Variants in DDR2 observed in about 807,000 individuals in gnomAD.
The protein encoded by DDR2 is discoidin domain-containing receptor 2.
In DDR2, 27 loss-of-function variants were observed where a neutral mutation model predicts 94.9. That is an observed-to-expected ratio of 0.28 (90% CI 0.21 to 0.39). The LOEUF is 0.39. DDR2 is among the 10% of genes least tolerant of loss of function. The pLI is 1.00. For synonymous variants in DDR2, 382 were observed against 377.2 expected, an observed-to-expected ratio of 1.01 and a Z score of -0.15; for missense variants, 783 against 1,076.0, an observed-to-expected ratio of 0.73 and a Z score of 3.81.
intron 2 of DDR2, among the ~76,000 whole-genome samples, chr1:162,703,081 T>C (rs185256271): frequency 5.6e-4 from 85 of 152,238 alleles, no homozygotes; most frequent in African/African-American, 2.0e-3. Flanking sequence ...CTAGATTGAG[T>C]GATAAAGCAT....
upstream of DDR2, chr1:162,632,129 G>A (rs948392768): frequency 2.6e-5 from 4 of 151,886 alleles, no homozygotes; most frequent in Non-Finnish European, 5.9e-5. Context: ...GCGGCGGGGG[G>A]GTGGGGATCA....
chr1:162,714,527 A>G (rs1051992626), intron 2 of DDR2, among the ~76,000 whole-genome samples: 3 of 152,134 alleles, frequency 2.0e-5, no homozygotes, highest in African/African-American at 4.8e-5. Context: ...CATGTAGTAC[A>G]TTTCCATTTA....
chr1:162,674,712 C>T (rs1401385444), intron 2 of DDR2, among the ~76,000 whole-genome samples: 2 of 152,212 alleles, frequency 1.3e-5, no homozygotes, highest in Non-Finnish European at 1.5e-5. Context: ...CTTCTGCCAC[C>T]TGCTAGTATA....
intron 11 of DDR2, among the ~76,000 whole-genome samples, chr1:162,767,674 T>C (rs1224421543): frequency 6.6e-6 from 1 of 152,166 alleles, no homozygotes; most frequent in African/African-American, 2.4e-5. Context: ...CAGGCATCCA[T>C]ATTTAAAAAA....
At chr1:162,755,045 C>G (rs578220364) in intron 5 of DDR2, 111 bp from the exon 6 acceptor site, 2 of 1,493,258 alleles carry the variant, frequency 1.3e-6, no homozygotes, top group Non-Finnish European at 1.9e-6. Flanking sequence ...AGAGTAGATG[C>G]ATTCTGCTCC....
rs1648038020 is a variant in DDR2, at chr1:162,783,969, T to G, written c.*3723T>G. The G allele has an allele frequency of 6.6e-6, 1 of 152,240 alleles. No homozygotes were observed. Among genetic ancestry groups the G allele is most frequent in the Non-Finnish European group, 1.5e-5 (1 of 68,042 alleles). 9.4% of individuals were successfully genotyped at this position (152,240 alleles called of 1,614,324 possible). A position where few individuals can be genotyped will look rare whatever the true frequency, so the allele number is the denominator to read the frequency against. On this transcript the variant is annotated 3_prime_UTR_variant, in exon 18 of 18. Coordinates refer to ENST00000367921, the MANE Select transcript of DDR2 (RefSeq NM_006182.4). ...TAGTTCATAAATCTTCATGTTCTAT[T>G]ATCTTTCATCTGCCAATAAAGTTCA...
At position 162,770,425 on chromosome 1, in the gene DDR2, C is replaced by T. The variant is rs771675675; in HGVS notation, c.1417C>T (p.Arg473Cys). 26 of 1,613,952 alleles carry T rather than the reference C, an allele frequency of 1.6e-5. No homozygotes were observed. The South Asian group carries it at 1.6e-4, about 10-fold the overall frequency. The change falls in exon 12 of 18, where the codon CGC becomes TGC. Residue 473 changes from arginine (R) to cysteine (C), a missense_variant. Coordinates refer to ENST00000367921, the MANE Select transcript of DDR2 (RefSeq NM_006182.4). ...ACAAGGGTCCAACTCGACTTACGAT[C>T]GCATCTTTCCCCTTCGCCCTGACTA... Reference protein sequence around the residue: ...SEQGSNSTYDRIFPLRPDYQE... With the variant: ...SEQGSNSTYDCIFPLRPDYQE...
chr1:162,718,392 C>T (rs892941968), intron 2 of DDR2, among the ~76,000 whole-genome samples: 6 of 152,110 alleles, frequency 3.9e-5, no homozygotes, highest in Non-Finnish European at 7.4e-5. Flanking sequence ...GCCTTTTCAG[C>T]GGATGGAACA....
chr1:162,734,024 C>T (rs1662180367), intron 3 of DDR2, among the ~76,000 whole-genome samples: 1 of 152,122 alleles, frequency 6.6e-6, no homozygotes, highest in South Asian at 2.1e-4. Flanking sequence ...TTCTGTCTCC[C>T]CTACCGGAAT....
chr1:162,639,297 G>T (rs112609523), intron 1 of DDR2, among the ~76,000 whole-genome samples: 2,043 of 152,294 alleles, frequency 0.013, 27 homozygotes, highest in Middle Eastern at 0.041. Flanking sequence ...TAAACAAATA[G>T]ATCAAGAAAA....
intron 2 of DDR2, among the ~76,000 whole-genome samples, chr1:162,682,945 G>C (rs1659481525): frequency 2.0e-5 from 3 of 152,108 alleles, no homozygotes; most frequent in African/African-American, 7.2e-5. Context: ...AACATTAATT[G>C]AATGAAAGCA....
intron 2 of DDR2, among the ~76,000 whole-genome samples, chr1:162,680,673 C>T (rs1176189862): frequency 6.6e-6 from 1 of 152,110 alleles, no homozygotes; most frequent in Admixed American, 6.6e-5. Context: ...AGTTCAATGA[C>T]CTTAGTCATC....
At chr1:162,685,146 T>C (rs1659626455) in intron 2 of DDR2, among the ~76,000 whole-genome samples, 1 of 152,192 alleles carries the variant, frequency 6.6e-6, no homozygotes, top group African/African-American at 2.4e-5. Context: ...CTCTTCAGTA[T>C]GATTGGAATA....
At chr1:162,720,001 A>G (rs1558044772) in intron 3 of DDR2, among the ~76,000 whole-genome samples, 1 of 152,174 alleles carries the variant, frequency 6.6e-6, no homozygotes, top group Admixed American at 6.5e-5. Flanking sequence ...AGAATACTCA[A>G]ACATTTTTCA....
intron 2 of DDR2, among the ~76,000 whole-genome samples, chr1:162,693,995 C>A (rs1002683758): frequency 1.3e-5 from 2 of 152,162 alleles, no homozygotes; most frequent in African/African-American, 4.8e-5. Context: ...TCTGCCTCAG[C>A]CTCTCGAGTA....
rs72149712 is a variant in DDR2 at position 162,656,834 on chromosome 1, T to TTG, written c.-28+1461_-28+1462insGT. 9.9e-3 allele frequency among the ~76,000 whole-genome samples: 455 copies of TTG among 46,188 alleles called. 14 individuals are homozygous for TTG. The highest frequency in any genetic ancestry group is 0.03 in the African/African-American group (428 of 14,142). 30.3% of individuals were successfully genotyped at this position (46,188 alleles called of 152,430 possible). A position where few individuals can be genotyped will look rare whatever the true frequency, so the allele number is the denominator to read the frequency against. On this transcript the variant is annotated intron_variant, in intron 2 of 17. Transcript: ENST00000367921. ...GTCTTTTCTTCCCCTGCCACTGGAGTTTTTTTTTTTTTTTTATTTTTTTTG... is the reference window on the plus strand; with the variant it reads ...GTCTTTTCTTCCCCTGCCACTGGAGTTGTTTTTTTTTTTTTTTATTTTTTTTG...
intron 2 of DDR2, among the ~76,000 whole-genome samples, chr1:162,668,723 T>A (rs1305099023): frequency 1.3e-5 from 2 of 152,206 alleles, no homozygotes; most frequent in Non-Finnish European, 2.9e-5. Flanking sequence ...AACCTCATTT[T>A]AACTTGGTAA....
chr1:162,746,353 A>C (rs1704738), intron 3 of DDR2, among the ~76,000 whole-genome samples: 93,832 of 152,196 alleles, frequency 0.62, 32,773 homozygotes, highest in Non-Finnish European at 0.78. Context: ...TCCCACGCCC[A>C]CGGAGCCTTG....
intron 2 of DDR2, among the ~76,000 whole-genome samples, chr1:162,687,486 T>C (rs1268616800): frequency 6.6e-6 from 1 of 152,122 alleles, no homozygotes; most frequent in Non-Finnish European, 1.5e-5. Flanking sequence ...GAAGTGGGTT[T>C]TTTTCTTTTT....
Sources: gnomAD v4.1 joint callset for allele counts (sites outside exome capture counted in the v4.1 genomes callset) on GRCh38, gnomAD v4.1.1 for gene constraint, MANE v1.5 for transcripts, NCBI Gene and HGNC (gene_info 2026-07-23, HGNC 2026-07-21) for gene names.